The following ROBO2 variants were observed in gnomAD, a reference collection of about 807,000 sequenced individuals.
ROBO2 encodes the protein roundabout guidance receptor 2.
A neutral mutation model predicts 160.8 loss-of-function variants in ROBO2; 53 were observed. The ratio of observed to expected loss-of-function variants is 0.33; its 90% CI spans 0.26 to 0.41. The LOEUF is 0.41. Among genes scored for constraint, ROBO2 ranks in the 10% least tolerant of loss-of-function variants. ROBO2 has a pLI of 1.00. For missense variants in ROBO2, 1,577 were observed against 1,722.4 expected (o/e 0.92, Z 1.49); for synonymous variants, 664 against 611.7 (o/e 1.09, Z -1.26).
chr3:77,367,600 AT>A (rs1274776142), intron 2 of ROBO2, among the ~76,000 whole-genome samples: 1 of 152,218 alleles, frequency 6.6e-6, no homozygotes, highest in Admixed American at 6.6e-5. Context: ...TTATTGTAGA[AT>A]TATCAGAAGG....
chr3:77,150,762 C>T (rs2077486970), intron 2 of ROBO2, among the ~76,000 whole-genome samples: 1 of 151,630 alleles, frequency 6.6e-6, no homozygotes, highest in South Asian at 2.1e-4. Context: ...CACTGGCTCC[C>T]TACTTTTCTT....
intron 2 of ROBO2, among the ~76,000 whole-genome samples, chr3:76,470,459 C>G (rs549408177): frequency 3.0e-4 from 45 of 152,156 alleles, no homozygotes; most frequent in Middle Eastern, 3.4e-3. Context: ...CAAAATGGCT[C>G]ACACATGACT....
In ROBO2 at chr3:76,277,889, A is replaced by G. The variant is rs990411059; in HGVS notation, c.109+340287A>G. Among the ~76,000 whole-genome samples, 5 of 151,792 alleles carry G rather than the reference A, an allele frequency of 3.3e-5. 1 individual carries two copies. Among genetic ancestry groups the G allele is most frequent in the Admixed American group, 2.6e-4 (4 of 15,196 alleles). ...AATAGGTAAATAAATAATAAGTCCA[A>G]GACATTTTTGTTTTTAGATTGAAAG... On this transcript the variant is annotated intron_variant, in intron 2 of 26. Coordinates refer to the ROBO2 transcript ENST00000487694.
At chr3:76,295,400 G>A (rs944905509) in intron 2 of ROBO2, among the ~76,000 whole-genome samples, 8 of 152,028 alleles carry the variant, frequency 5.3e-5, no homozygotes, top group African/African-American at 1.7e-4. Context: ...TCACTGTTAC[G>A]TAATCCCTGC....
At chr3:76,860,971 C>G (rs1330102310) in intron 2 of ROBO2, among the ~76,000 whole-genome samples, 2 of 152,076 alleles carry the variant, frequency 1.3e-5, no homozygotes, top group East Asian at 3.9e-4. Flanking sequence ...TCAGCCCATC[C>G]TTATCAAACT....
At chr3:77,089,772 G>GA (rs1294719196) in intron 1 of ROBO2, among the ~76,000 whole-genome samples, 6 of 151,044 alleles carry the variant, frequency 4.0e-5, no homozygotes, top group South Asian at 2.1e-4. Flanking sequence ...TGGACCTCTA[G>GA]AAAAAAAAAG....
chr3:77,496,004 C>G (rs551556382), intron 5 of ROBO2, among the ~76,000 whole-genome samples: 1 of 152,298 alleles, frequency 6.6e-6, no homozygotes, highest in East Asian at 1.9e-4. Context: ...CTTCAAAGTA[C>G]AAATGATACA....
chr3:76,576,917 A>G (rs2085346093), intron 2 of ROBO2, among the ~76,000 whole-genome samples: 1 of 152,006 alleles, frequency 6.6e-6, no homozygotes. Context: ...ATTTCCAGGG[A>G]CACTATACCT....
chr3:76,775,190 C>G (rs1222435226), intron 2 of ROBO2, among the ~76,000 whole-genome samples: 1 of 150,456 alleles, frequency 6.6e-6, no homozygotes, highest in South Asian at 2.1e-4. Flanking sequence ...TAATGGATAC[C>G]TAACTGCTTA....
chr3:76,929,777 A>C (rs561655112), intron 2 of ROBO2, among the ~76,000 whole-genome samples: 11 of 151,908 alleles, frequency 7.2e-5, no homozygotes, highest in Non-Finnish European at 1.6e-4. Context: ...GGAAGAAGAG[A>C]CTCCACTGTG....
chr3:77,502,310 A>G (rs2087734667), intron 5 of ROBO2, among the ~76,000 whole-genome samples: 1 of 152,184 alleles, frequency 6.6e-6, no homozygotes. Context: ...GAATACATCT[A>G]TATAGAAAGC....
chr3:77,355,924 C>CAA (rs71935506), intron 2 of ROBO2, among the ~76,000 whole-genome samples: 163 of 137,508 alleles, frequency 1.2e-3, no homozygotes, highest in East Asian at 1.9e-3. Flanking sequence ...ACAGATAATC[C>CAA]AAAAAAAAAA....
chr3:76,642,413 C>T (rs1338774874), intron 2 of ROBO2, among the ~76,000 whole-genome samples: 2 of 122,060 alleles, frequency 1.6e-5, no homozygotes, highest in Admixed American at 1.1e-4. Flanking sequence ...AGTGTAATGG[C>T]GTGATCTCAA....
chr3:76,189,803 G>A lies in ROBO2; in HGVS notation c.109+252201G>A, dbSNP rs542005457. The stretch of plus-strand genomic sequence containing the variant: ...GCTAAGGTTTTAAACACATTTTATC[G>A]TTTCTTCTTTGAAATAACACAAAGG... On this transcript the variant is annotated intron_variant, in intron 2 of 26. Coordinates refer to the ROBO2 transcript ENST00000487694. Among the ~76,000 whole-genome samples the A allele has an allele frequency of 4.0e-4, 61 of 152,086 alleles. 1 individual carries two copies. The highest frequency in any genetic ancestry group is 3.4e-3 in the Middle Eastern group (1 of 294).
intron 2 of ROBO2, among the ~76,000 whole-genome samples, chr3:77,320,788 T>TA (rs2064600698): frequency 2.0e-5 from 3 of 152,160 alleles, no homozygotes; most frequent in Admixed American, 1.3e-4. Context: ...ACAAGCGATT[T>TA]AAAAAAATAT....
In ROBO2 at chr3:75,945,814, G is replaced by A. The variant is rs540650083; in HGVS notation, c.109+8212G>A. 9.1e-3 allele frequency among the ~76,000 whole-genome samples: 1,256 copies of A among 137,656 alleles called. 17 individuals carry two copies. The highest frequency in any genetic ancestry group is 0.029 in the African/African-American group (1,172 of 40,220). 90.3% of individuals were successfully genotyped at this position (137,656 alleles called of 152,430 possible). The stretch of plus-strand genomic sequence containing the variant: ...AAGATGCTAATTAGAAAAGTAACTT[G>A]TTCTGTTGGATGATTTTGATAAAGC... On this transcript the variant is annotated intron_variant, in intron 2 of 26. Transcript: ENST00000487694.
chr3:76,434,937 C>G, intron 2 of ROBO2: 1 of 1,600,504 alleles, frequency 6.2e-7, no homozygotes, highest in Non-Finnish European at 8.6e-7. Flanking sequence ...ATCCCCCAAA[C>G]CAGCCACAAA....
chr3:77,268,586 A>G (rs2059284496), intron 2 of ROBO2, among the ~76,000 whole-genome samples: 1 of 152,202 alleles, frequency 6.6e-6, no homozygotes, highest in African/African-American at 2.4e-5. Flanking sequence ...AACTGAATAA[A>G]TGATACTAAT....
intron 2 of ROBO2, among the ~76,000 whole-genome samples, chr3:76,691,507 G>T (rs990270814): frequency 7.2e-5 from 11 of 152,052 alleles, no homozygotes; most frequent in Non-Finnish European, 1.5e-4. Context: ...AGGAATTGAA[G>T]ATATTAATGA....
Sources: gnomAD v4.1 joint callset for allele counts (sites outside exome capture counted in the v4.1 genomes callset) on GRCh38, gnomAD v4.1.1 for gene constraint, MANE v1.5 for transcripts, NCBI Gene and HGNC (gene_info 2026-07-23, HGNC 2026-07-21) for gene names.